AGBL4: variants seen among roughly 807,000 people sequenced by gnomAD.
AGBL4 encodes the protein cytosolic carboxypeptidase 6.
AGBL4 carries 58 observed loss-of-function variants against 66.4 expected under a neutral mutation model. That is an observed-to-expected ratio of 0.87 (90% CI 0.71 to 1.09). AGBL4 has a LOEUF of 1.09. Among genes scored for constraint, AGBL4 ranks in the 50% least tolerant of loss-of-function variants. AGBL4 has a pLI of 0.00. For synonymous variants in AGBL4, 234 were observed against 222.9 expected (o/e 1.05, Z -0.44); for missense variants, 579 against 631.0 (o/e 0.92, Z 0.88).
Position 49,119,635 on chromosome 1 carries a change from G to A in AGBL4, c.378-73835C>T, listed in dbSNP as rs548942916. 6.6e-5 allele frequency among the ~76,000 whole-genome samples: 10 copies of A among 152,240 alleles called. No individual in the cohort carries two copies. In the South Asian group the frequency reaches 8.3e-4, roughly 13 times the overall value. ...ACTTCCAACTATGTGGTCAATTTTCGAATAAGTGTTATGTGGTGCTGAGAA... is the reference window on the plus strand; with the variant it reads ...ACTTCCAACTATGTGGTCAATTTTCAAATAAGTGTTATGTGGTGCTGAGAA... On this transcript the variant is annotated intron_variant, in intron 4 of 13. Coordinates refer to ENST00000371839, the MANE Select transcript of AGBL4 (RefSeq NM_032785.4).
chr1:48,669,611 C>T (rs1348788070), intron 6 of AGBL4, among the ~76,000 whole-genome samples: 3 of 152,202 alleles, frequency 2.0e-5, no homozygotes, highest in African/African-American at 7.2e-5. Flanking sequence ...TCCAAGCAAA[C>T]CTTCAGTTTC....
chr1:49,968,374 T>G (rs559501810), intron 1 of AGBL4, among the ~76,000 whole-genome samples: 1 of 152,200 alleles, frequency 6.6e-6, no homozygotes, highest in African/African-American at 2.4e-5. Context: ...CATAGAAAAA[T>G]GATTTGGGGC....
At position 49,875,078 on chromosome 1, in the gene AGBL4, T is replaced by C. The variant is rs185437052; in HGVS notation, c.35-23560A>G. On this transcript the variant is annotated intron_variant, in intron 1 of 13. Coordinates refer to ENST00000371839, the MANE Select transcript of AGBL4 (RefSeq NM_032785.4). The stretch of plus-strand genomic sequence containing the variant: ...CCTATGAGTGAGAATATGTGGTATT[T>C]GGTTTTTTTGTTCTTGTGATAGTTT... Among the ~76,000 whole-genome samples, 793 of 150,100 alleles carry C rather than the reference T, an allele frequency of 5.3e-3. 9 individuals carry two copies. The highest frequency in any genetic ancestry group is 6.6e-3 in the Non-Finnish European group (448 of 67,556).
chr1:49,258,089 G>A (rs1035792766), intron 3 of AGBL4, among the ~76,000 whole-genome samples: 23 of 152,196 alleles, frequency 1.5e-4, no homozygotes, highest in Non-Finnish European at 3.2e-4. Context: ...ACCTGCAGCT[G>A]AGGATCCTGT....
intron 11 of AGBL4, among the ~76,000 whole-genome samples, chr1:48,570,715 C>T (rs59536441): frequency 0.014 from 2,104 of 152,250 alleles, 50 homozygotes; most frequent in African/African-American, 0.049. Context: ...CTTCCTCATG[C>T]TGTAAATGTT....
intron 2 of AGBL4, among the ~76,000 whole-genome samples, chr1:49,749,458 T>C (rs1651273586): frequency 1.3e-5 from 2 of 152,164 alleles, no homozygotes; most frequent in African/African-American, 4.8e-5. Context: ...AAACTTTCCT[T>C]ATTAACAGAT....
intron 6 of AGBL4, among the ~76,000 whole-genome samples, chr1:48,670,225 C>T (rs905326995): frequency 2.0e-5 from 3 of 152,158 alleles, no homozygotes; most frequent in Non-Finnish European, 4.4e-5. Flanking sequence ...GTAAGGGTGC[C>T]TCTGACTTAC....
chr1:48,837,707 C>CT (rs1409636554), intron 6 of AGBL4, among the ~76,000 whole-genome samples: 2 of 80,520 alleles, frequency 2.5e-5, no homozygotes, highest in Admixed American at 2.6e-4. Context: ...CGCACACACA[C>CT]ACACTATATA....
chr1:48,982,084 G>A (rs1659819015), intron 5 of AGBL4, among the ~76,000 whole-genome samples: 1 of 152,186 alleles, frequency 6.6e-6, no homozygotes, highest in South Asian at 2.1e-4. Flanking sequence ...AAAAGGCAGA[G>A]AGGTGTGTTT....
At chr1:49,935,077 A>G (rs1272896101) in intron 1 of AGBL4, among the ~76,000 whole-genome samples, 1 of 152,214 alleles carries the variant, frequency 6.6e-6, no homozygotes, top group Non-Finnish European at 1.5e-5. Flanking sequence ...TCCCTTTCTG[A>G]GTCAAAGAAA....
intron 11 of AGBL4, among the ~76,000 whole-genome samples, chr1:48,581,438 A>T (rs897945990): frequency 6.6e-6 from 1 of 152,116 alleles, no homozygotes; most frequent in South Asian, 2.1e-4. Flanking sequence ...TCTGTTCCCA[A>T]TGTTTTTCTC....
At chr1:49,541,710 G>A (rs1052943823) in intron 3 of AGBL4, among the ~76,000 whole-genome samples, 3 of 152,190 alleles carry the variant, frequency 2.0e-5, no homozygotes, top group African/African-American at 7.2e-5. Context: ...GGAGTGCAAC[G>A]GCGAGGGAAT....
chr1:49,291,663 G>C (rs1467629068), intron 3 of AGBL4, among the ~76,000 whole-genome samples: 5 of 152,216 alleles, frequency 3.3e-5, no homozygotes, highest in Non-Finnish European at 5.9e-5. Flanking sequence ...AGAAACCAGG[G>C]AGTCTTCTGC....
intron 9 of AGBL4, among the ~76,000 whole-genome samples, chr1:48,619,093 G>T (rs137998295): frequency 4.8e-4 from 73 of 152,294 alleles, no homozygotes; most frequent in African/African-American, 1.5e-3. Context: ...CTCTGCACTA[G>T]GGTCGTGGGC....
intron 5 of AGBL4, among the ~76,000 whole-genome samples, chr1:48,971,438 T>G (rs537239757): frequency 6.6e-6 from 1 of 152,162 alleles, no homozygotes; most frequent in South Asian, 2.1e-4. Context: ...TGGGGACCAC[T>G]CTTCTGTGAT....
At chr1:48,564,686 G>C (rs1162489984) in intron 11 of AGBL4, among the ~76,000 whole-genome samples, 1 of 152,204 alleles carries the variant, frequency 6.6e-6, no homozygotes, top group East Asian at 1.9e-4. Context: ...GCAATGATAA[G>C]TATGAAACAA....
intron 3 of AGBL4, among the ~76,000 whole-genome samples, chr1:49,643,748 T>C (rs1016569549): frequency 3.3e-5 from 5 of 151,648 alleles, no homozygotes; most frequent in Admixed American, 1.3e-4. Flanking sequence ...TTACTAAATA[T>C]CTTTGTAAAA....
intron 1 of AGBL4, among the ~76,000 whole-genome samples, chr1:49,961,350 A>G (rs1484125276): frequency 6.6e-6 from 1 of 151,882 alleles, no homozygotes; most frequent in Non-Finnish European, 1.5e-5. Context: ...CTCTACAAAA[A>G]ATAAATTATC....
At chr1:49,452,509 A>G (rs1646299484) in intron 3 of AGBL4, among the ~76,000 whole-genome samples, 1 of 151,898 alleles carries the variant, frequency 6.6e-6, no homozygotes, top group African/African-American at 2.4e-5. Flanking sequence ...CCTGATGATT[A>G]CATGGGGGTT....
Sources: gnomAD v4.1 joint callset for allele counts (sites outside exome capture counted in the v4.1 genomes callset) on GRCh38, gnomAD v4.1.1 for gene constraint, MANE v1.5 for transcripts, NCBI Gene and HGNC (gene_info 2026-07-23, HGNC 2026-07-21) for gene names.